PCDH11X: variants seen among roughly 807,000 people sequenced by gnomAD.
PCDH11X encodes the protein protocadherin 11 X-linked, also known as protocadherin-11 X-linked.
PCDH11X carries 18 observed loss-of-function variants against 53.3 expected under a neutral mutation model. The ratio of observed to expected loss-of-function variants is 0.34; its 90% confidence interval spans 0.23 to 0.50. PCDH11X has a LOEUF of 0.50. Among genes scored for constraint, PCDH11X ranks in the 20% least tolerant of loss-of-function variants. PCDH11X has a pLI of 0.98. For missense variants in PCDH11X, 570 were observed against 1,032.4 expected (o/e 0.55, Z 6.14); for synonymous variants, 279 against 393.3 (o/e 0.71, Z 3.44).
intron 10 of PCDH11X, among the ~76,000 whole-genome samples, chrX:92,512,597 T>C (rs5942273): frequency 0.3 from 32,907 of 110,873 alleles, 4,041 homozygotes; most frequent in East Asian, 0.4. Flanking sequence ...GAAAAATGTC[T>C]AATTAAAATC....
chrX:92,444,434 CA>C (rs1232936404), intron 9 of PCDH11X, among the ~76,000 whole-genome samples: 1 of 98,161 alleles, frequency 1.0e-5, no homozygotes, highest in African/African-American at 3.7e-5. Flanking sequence ...AACTTTTTGA[CA>C]GAGTCTTTAG....
chrX:91,961,868 G>A (rs935461976), intron 6 of PCDH11X, among the ~76,000 whole-genome samples: 1 of 110,334 alleles, frequency 9.1e-6, no homozygotes, highest in Non-Finnish European at 1.9e-5. Flanking sequence ...TCACATGGCA[G>A]CAGCAAGGAG....
chrX:92,388,511 GT>G (rs2148574178), intron 9 of PCDH11X, among the ~76,000 whole-genome samples: 1 of 105,422 alleles, frequency 9.5e-6, no homozygotes, highest in East Asian at 3.0e-4. Context: ...TTCCAAAGAT[GT>G]TGAACTCTTT....
intron 10 of PCDH11X, among the ~76,000 whole-genome samples, chrX:92,585,377 T>TTTC (rs1924262165): frequency 9.5e-6 from 1 of 105,418 alleles, no homozygotes; most frequent in Non-Finnish European, 1.9e-5. Flanking sequence ...CTTTTTCTTT[T>TTTC]TTTTTTTTTT....
At chrX:91,973,469 A>G (rs1462404678) in intron 6 of PCDH11X, among the ~76,000 whole-genome samples, 1 of 108,987 alleles carries the variant, frequency 9.2e-6, no homozygotes, top group Non-Finnish European at 1.9e-5. Context: ...AAAAAAAAGA[A>G]AATTGCTGGT....
intron 6 of PCDH11X, among the ~76,000 whole-genome samples, chrX:92,047,881 A>C (rs1470271625): frequency 9.0e-6 from 1 of 110,798 alleles, no homozygotes; most frequent in Non-Finnish European, 1.9e-5. Context: ...AGCTATATGC[A>C]CAGGAGCCAC....
chrX:91,983,675 C>T (rs2062181897), intron 6 of PCDH11X, among the ~76,000 whole-genome samples: 1 of 111,574 alleles, frequency 9.0e-6, no homozygotes, highest in South Asian at 3.8e-4. Flanking sequence ...GAAAGACCCA[C>T]CCCCCTATTC....
intron 10 of PCDH11X, among the ~76,000 whole-genome samples, chrX:92,527,152 T>C (rs1034306056): frequency 9.0e-6 from 1 of 111,381 alleles, no homozygotes; most frequent in African/African-American, 3.3e-5. Context: ...GAGGTGGAGA[T>C]GGTTAATGGG....
chrX:92,046,914 A>T (rs12688662), intron 6 of PCDH11X, among the ~76,000 whole-genome samples: 8,650 of 99,834 alleles, frequency 0.087, 537 homozygotes, highest in East Asian at 0.4. Context: ...TTACCTTTGT[A>T]TTTAAAACAT....
chrX:91,920,871 C>T (rs1435455016), intron 6 of PCDH11X, among the ~76,000 whole-genome samples: 1 of 110,336 alleles, frequency 9.1e-6, no homozygotes, highest in Non-Finnish European at 1.9e-5. Context: ...TTAGCAGACT[C>T]ATAATTTTAG....
chrX:92,151,062 A>C (rs1175081437), intron 6 of PCDH11X, among the ~76,000 whole-genome samples: 2 of 110,739 alleles, frequency 1.8e-5, no homozygotes, highest in Non-Finnish European at 3.8e-5. Context: ...TCTTCCTAGT[A>C]TCAAGGGGAA....
At chrX:92,010,659 A>T (rs1490965778) in intron 6 of PCDH11X, among the ~76,000 whole-genome samples, 1 of 110,245 alleles carries the variant, frequency 9.1e-6, no homozygotes, top group East Asian at 2.8e-4. Flanking sequence ...ATATGCATAG[A>T]TATTGTCTCT....
intron 10 of PCDH11X, among the ~76,000 whole-genome samples, chrX:92,568,541 T>C (rs1053299902): frequency 9.1e-6 from 1 of 109,352 alleles, no homozygotes; most frequent in African/African-American, 3.3e-5. Context: ...AAAAGAAATA[T>C]CCATGAGGAA....
At chrX:92,034,158 G>T in intron 6 of PCDH11X, among the ~76,000 whole-genome samples, 1 of 111,264 alleles carries the variant, frequency 9.0e-6, no homozygotes, top group South Asian at 3.8e-4. Context: ...GACCCATTTT[G>T]TGACTTAAGG....
rs58212809 is a variant in PCDH11X at position 92,208,508 on chromosome X, AATATATATATATATAT to A, written c.3114+7067_3114+7082del. ...ACAACCGAAGGTGGTCCCTGAAACTAATATATATATATATATATATATATATATACAATTTTTTTTA... is the reference window on the plus strand; with the variant it reads ...ACAACCGAAGGTGGTCCCTGAAACTAATATATATATATACAATTTTTTTTA... On this transcript the variant is annotated intron_variant, in intron 7 of 10. Coordinates refer to ENST00000682573, the MANE Select transcript of PCDH11X (RefSeq NM_032968.5). 3.3e-4 allele frequency among the ~76,000 whole-genome samples: 10 copies of A among 30,679 alleles called. 1 individual carries two copies. The highest frequency in any genetic ancestry group is 2.0e-3 in the South Asian group (1 of 489). 26.6% of individuals were successfully genotyped at this position (30,679 alleles called of 115,157 possible). A position where few individuals can be genotyped will look rare whatever the true frequency, so the allele number is the denominator to read the frequency against.
At chrX:91,840,425 G>T (rs1343176307) in intron 5 of PCDH11X, among the ~76,000 whole-genome samples, 3 of 111,309 alleles carry the variant, frequency 2.7e-5, no homozygotes, top group African/African-American at 6.5e-5. Flanking sequence ...ATCCCATAAG[G>T]CATCCTCATC....
intron 6 of PCDH11X, among the ~76,000 whole-genome samples, chrX:91,901,966 A>G (rs764157702): frequency 1.9e-4 from 21 of 111,306 alleles, no homozygotes; most frequent in South Asian, 1.9e-3. Context: ...CTAATGCAGG[A>G]TTTGGAAAAA....
intron 8 of PCDH11X, among the ~76,000 whole-genome samples, chrX:92,346,571 A>G (rs2069901636): frequency 8.9e-6 from 1 of 111,787 alleles, no homozygotes; most frequent in South Asian, 3.7e-4. Flanking sequence ...TACAAGCGAC[A>G]CGTGGAATTA....
At chrX:92,205,838 TG>T (rs2148328806) in intron 7 of PCDH11X, among the ~76,000 whole-genome samples, 1 of 110,996 alleles carries the variant, frequency 9.0e-6, no homozygotes, top group South Asian at 3.8e-4. Flanking sequence ...TGACCTCAGG[TG>T]ATCCACCTGC....
Sources: gnomAD v4.1 joint callset for allele counts (sites outside exome capture counted in the v4.1 genomes callset) on GRCh38, gnomAD v4.1.1 for gene constraint, MANE v1.5 for transcripts, NCBI Gene and HGNC (gene_info 2026-07-23, HGNC 2026-07-21) for gene names.